The following PCDH7 variants were observed in gnomAD, a reference collection of about 807,000 sequenced individuals.
The protein encoded by PCDH7 is protocadherin 7, also known as protocadherin-7.
A neutral mutation model predicts 58.9 loss-of-function variants in PCDH7; 17 were observed. The observed-to-expected ratio is 0.29, with a 90% CI of 0.20 to 0.43. The LOEUF is 0.43. Among genes scored for constraint, PCDH7 ranks in the 20% least tolerant of loss-of-function variants. The pLI is 1.00. For synonymous variants in PCDH7, 664 were observed against 616.4 expected, an observed-to-expected ratio of 1.08 and a Z score of -1.14; for missense variants, 1,274 against 1,441.0, an observed-to-expected ratio of 0.88 and a Z score of 1.88.
At chr4:30,745,557 C>G (rs560054295) in intron 1 of PCDH7, among the ~76,000 whole-genome samples, 204 of 152,198 alleles carry the variant, frequency 1.3e-3, no homozygotes, top group Non-Finnish European at 2.0e-3. Context: ...ATGAGGCTTT[C>G]TAATAAAGGC....
chr4:30,764,161 G>C (rs1720398381), intron 1 of PCDH7, among the ~76,000 whole-genome samples: 1 of 152,128 alleles, frequency 6.6e-6, no homozygotes, highest in Non-Finnish European at 1.5e-5. Flanking sequence ...CCATATGTAA[G>C]GAAAATATGT....
chr4:30,768,088 T>G (rs1213793875), intron 1 of PCDH7, among the ~76,000 whole-genome samples: 4 of 152,178 alleles, frequency 2.6e-5, no homozygotes, highest in Non-Finnish European at 5.9e-5. Context: ...ACAGATTAAT[T>G]TTAATAATTT....
At chr4:30,911,177 G>A (rs1034104759) in intron 1 of PCDH7, among the ~76,000 whole-genome samples, 1 of 152,066 alleles carries the variant, frequency 6.6e-6, no homozygotes, top group African/African-American at 2.4e-5. Context: ...GGGGCAAGGG[G>A]AGGGAGAGCA....
chr4:31,090,720 G>T (rs1713130139), intron 3 of PCDH7, among the ~76,000 whole-genome samples: 1 of 151,830 alleles, frequency 6.6e-6, no homozygotes, highest in Non-Finnish European at 1.5e-5. Context: ...TTTGATCATT[G>T]TTTTTTAATC....
intron 1 of PCDH7, among the ~76,000 whole-genome samples, chr4:30,726,168 A>G (rs1714586629): frequency 6.6e-6 from 1 of 152,026 alleles, no homozygotes; most frequent in Admixed American, 6.6e-5. Context: ...GGTGTTGTAA[A>G]CAAGGAAGAT....
chr4:30,932,767 A>G (rs1012802860), intron 2 of PCDH7, among the ~76,000 whole-genome samples: 2 of 152,126 alleles, frequency 1.3e-5, no homozygotes, highest in African/African-American at 2.4e-5. Context: ...ATAAAACACA[A>G]TTTTATCACG....
At chr4:31,127,343 G>A (rs748132088) in intron 3 of PCDH7, among the ~76,000 whole-genome samples, 20 of 152,152 alleles carry the variant, frequency 1.3e-4, no homozygotes, top group Non-Finnish European at 2.2e-4. Flanking sequence ...GCGCAGACAC[G>A]TTTAACTAAA....
At chr4:31,039,044 A>G (rs905119023) in intron 3 of PCDH7, among the ~76,000 whole-genome samples, 1 of 152,340 alleles carries the variant, frequency 6.6e-6, no homozygotes, top group South Asian at 2.1e-4. Flanking sequence ...AGCAAATATT[A>G]GCTATTATTA....
chr4:30,728,284 T>C (rs1462852483), intron 1 of PCDH7, among the ~76,000 whole-genome samples: 1 of 86,774 alleles, frequency 1.2e-5, no homozygotes, highest in Non-Finnish European at 2.4e-5. Flanking sequence ...TATGTATATA[T>C]ATATATATAT....
At chr4:31,102,154 C>T (rs1030981346) in intron 3 of PCDH7, among the ~76,000 whole-genome samples, 1 of 151,794 alleles carries the variant, frequency 6.6e-6, no homozygotes, top group Non-Finnish European at 1.5e-5. Context: ...CTGGTAGTTC[C>T]CCCAAATGTA....
chr4:30,858,160 C>G (rs900542124), intron 1 of PCDH7, among the ~76,000 whole-genome samples: 6 of 152,124 alleles, frequency 3.9e-5, no homozygotes, highest in Non-Finnish European at 8.8e-5. Context: ...AGTTGCCATT[C>G]CTTCTATCAA....
At chr4:30,776,976 C>A (rs369932112) in intron 1 of PCDH7, among the ~76,000 whole-genome samples, 5 of 151,664 alleles carry the variant, frequency 3.3e-5, no homozygotes, top group African/African-American at 1.2e-4. Context: ...ATATTCCCTA[C>A]CTGAAAAGTG....
intron 1 of PCDH7, among the ~76,000 whole-genome samples, chr4:30,775,632 G>A (rs557012448): frequency 2.6e-5 from 4 of 152,232 alleles, no homozygotes; most frequent in Admixed American, 1.3e-4. Context: ...TATAGGACGG[G>A]CATGGTGGCT....
intron 3 of PCDH7, among the ~76,000 whole-genome samples, chr4:31,040,139 GTA>G (rs1755732591): frequency 6.6e-6 from 1 of 152,118 alleles, no homozygotes; most frequent in African/African-American, 2.4e-5. Flanking sequence ...GTTTTTCGAT[GTA>G]TACTGCAGTG....
At chr4:30,975,243 T>G (rs1749971360) in intron 3 of PCDH7, among the ~76,000 whole-genome samples, 1 of 151,466 alleles carries the variant, frequency 6.6e-6, no homozygotes, top group South Asian at 2.1e-4. Flanking sequence ...TAAATTTCAA[T>G]GAACATTAAT....
chr4:30,888,570 T>C (rs916729723), intron 1 of PCDH7, among the ~76,000 whole-genome samples: 1 of 152,222 alleles, frequency 6.6e-6, no homozygotes, highest in Non-Finnish European at 1.5e-5. Context: ...CAATTACAAA[T>C]GTGAACACTG....
chr4:30,823,762 C>A (rs1728665471), intron 1 of PCDH7, among the ~76,000 whole-genome samples: 1 of 152,056 alleles, frequency 6.6e-6, no homozygotes, highest in African/African-American at 2.4e-5. Context: ...CTTAAATTAT[C>A]CTAGAATAGG....
At chr4:30,728,119 T>G (rs114875211) in intron 1 of PCDH7, among the ~76,000 whole-genome samples, 2,351 of 151,860 alleles carry the variant, frequency 0.015, 27 homozygotes, top group Non-Finnish European at 0.024. Context: ...TCGAATTATG[T>G]TCAATATATT....
intron 3 of PCDH7, among the ~76,000 whole-genome samples, chr4:30,995,873 C>A (rs1751851827): frequency 6.6e-6 from 1 of 152,078 alleles, no homozygotes; most frequent in Non-Finnish European, 1.5e-5. Flanking sequence ...CGTGCAAGGA[C>A]CCTTTGATTA....
Sources: allele counts gnomAD v4.1 joint callset (sites outside exome capture counted in the v4.1 genomes callset), GRCh38; gene constraint gnomAD v4.1.1; transcripts MANE v1.5; gene names NCBI Gene and HGNC (gene_info 2026-07-23, HGNC 2026-07-21).